The following CTNND2 variants were observed in gnomAD, a reference collection of about 807,000 sequenced individuals.
CTNND2 encodes the protein catenin delta 2.
Under a neutral mutation model 144.4 loss-of-function variants are expected in CTNND2, and 22 were observed. That is an observed-to-expected ratio of 0.15 (90% CI 0.11 to 0.22). CTNND2 has a LOEUF of 0.22. Among genes scored for constraint, CTNND2 ranks in the 10% least tolerant of loss-of-function variants. The pLI, the probability that CTNND2 is intolerant of heterozygous loss-of-function variation, is 1.00. For missense variants in CTNND2, 1,353 were observed against 1,618.8 expected (o/e 0.84, Z 2.82); for synonymous variants, 751 against 695.6 (o/e 1.08, Z -1.25).
intron 9 of CTNND2, among the ~76,000 whole-genome samples, chr5:11,305,344 C>T (rs572910581): frequency 1.6e-4 from 25 of 152,274 alleles, no homozygotes; most frequent in South Asian, 8.3e-4. Context: ...CTAACTGCTG[C>T]GCTCTGCCCT....
intron 9 of CTNND2, among the ~76,000 whole-genome samples, chr5:11,307,433 C>T (rs1269865414): frequency 6.6e-6 from 1 of 152,028 alleles, no homozygotes; most frequent in African/African-American, 2.4e-5. Flanking sequence ...CAGCAGGAGA[C>T]AGCAAGGCAA....
intron 9 of CTNND2, among the ~76,000 whole-genome samples, chr5:11,298,489 A>G (rs1487374113): frequency 1.3e-5 from 2 of 152,208 alleles, no homozygotes; most frequent in Non-Finnish European, 2.9e-5. Flanking sequence ...TTTTATAACA[A>G]TGCTAAAGCT....
intron 16 of CTNND2, among the ~76,000 whole-genome samples, chr5:11,081,656 G>C (rs1170275171): frequency 2.6e-5 from 4 of 152,176 alleles, no homozygotes; most frequent in Non-Finnish European, 5.9e-5. Context: ...TGTGTCCCAT[G>C]AATGTCTATG....
chr5:11,183,412 G>A (rs1436681110), intron 11 of CTNND2, among the ~76,000 whole-genome samples: 1 of 152,216 alleles, frequency 6.6e-6, no homozygotes, highest in Non-Finnish European at 1.5e-5. Context: ...GATTGGCTGT[G>A]CATAAGTGAT....
At chr5:11,658,058 T>C (rs1198223250) in intron 2 of CTNND2, among the ~76,000 whole-genome samples, 1 of 152,132 alleles carries the variant, frequency 6.6e-6, no homozygotes, top group Non-Finnish European at 1.5e-5. Context: ...AAATTTTTAT[T>C]TTTCAAAAAT....
At chr5:11,890,388 A>G (rs568679682) in intron 1 of CTNND2, among the ~76,000 whole-genome samples, 2 of 152,312 alleles carry the variant, frequency 1.3e-5, no homozygotes, top group South Asian at 4.1e-4. Flanking sequence ...ATGGCAGCTG[A>G]CCAGAGAGGC....
intron 16 of CTNND2, among the ~76,000 whole-genome samples, chr5:11,028,517 T>C (rs1561194793): frequency 6.6e-6 from 1 of 152,150 alleles, no homozygotes. Flanking sequence ...TTAAAAGCAT[T>C]TAAACAACTC....
chr5:11,819,430 AAGACAGAC>A (rs57457496), intron 1 of CTNND2, among the ~76,000 whole-genome samples: 50 of 151,788 alleles, frequency 3.3e-4, no homozygotes, highest in African/African-American at 8.9e-4. Flanking sequence ...GCAAGATTCC[AAGACAGAC>A]AGACAGACAG....
At chr5:11,559,323 A>T (rs1430706786) in intron 3 of CTNND2, among the ~76,000 whole-genome samples, 1 of 152,122 alleles carries the variant, frequency 6.6e-6, no homozygotes, top group African/African-American at 2.4e-5. Context: ...CCATTGAGAC[A>T]TCTAAAGAAA....
At chr5:11,575,739 T>A (rs1053273575) in intron 2 of CTNND2, among the ~76,000 whole-genome samples, 8 of 152,118 alleles carry the variant, frequency 5.3e-5, no homozygotes, top group Non-Finnish European at 1.2e-4. Context: ...CCGCACAAAC[T>A]CTTCTGATGG....
intron 1 of CTNND2, among the ~76,000 whole-genome samples, chr5:11,891,811 T>A (rs548278051): frequency 2.0e-5 from 3 of 152,248 alleles, no homozygotes; most frequent in Admixed American, 6.5e-5. Context: ...TTGGAAAAAA[T>A]TTGGTGGAAT....
chr5:11,805,761 G>T (rs902792485), intron 1 of CTNND2, among the ~76,000 whole-genome samples: 1 of 152,054 alleles, frequency 6.6e-6, no homozygotes, highest in Non-Finnish European at 1.5e-5. Flanking sequence ...AACTCACATA[G>T]AACATAGATC....
At chr5:11,797,371 T>TG (rs1791458932) in intron 1 of CTNND2, among the ~76,000 whole-genome samples, 1 of 152,142 alleles carries the variant, frequency 6.6e-6, no homozygotes, top group Admixed American at 6.5e-5. Flanking sequence ...ACTTCCAAAA[T>TG]GGGGCAAGGA....
intron 19 of CTNND2, among the ~76,000 whole-genome samples, chr5:10,989,205 T>C (rs895074370): frequency 1.3e-5 from 2 of 152,194 alleles, no homozygotes; most frequent in African/African-American, 4.8e-5. Flanking sequence ...GCAGGAGCCA[T>C]GCGTCTGGGT....
intron 1 of CTNND2, among the ~76,000 whole-genome samples, chr5:11,843,118 T>A (rs1398525570): frequency 6.6e-6 from 1 of 152,194 alleles, no homozygotes; most frequent in Non-Finnish European, 1.5e-5. Context: ...GACAGATCCA[T>A]CATTGAATAG....
rs141453973 is a variant in CTNND2, at chr5:11,856,092, A to G, written c.37+47725T>C. Among the ~76,000 whole-genome samples, 12 of 152,370 alleles carry G rather than the reference A, an allele frequency of 7.9e-5. No individual in the cohort carries two copies. In the East Asian group the frequency reaches 2.3e-3, roughly 29 times the overall value. ...AATATCTATTCAGCATTAATTATCT[A>G]TAAGCCACCATGCCATAAACTGGGA... On this transcript the variant is annotated intron_variant, in intron 1 of 21. Coordinates refer to ENST00000304623, the MANE Select transcript of CTNND2 (RefSeq NM_001332.4).
At chr5:11,543,272 T>C (rs530334033) in intron 3 of CTNND2, among the ~76,000 whole-genome samples, 18 of 152,294 alleles carry the variant, frequency 1.2e-4, no homozygotes, top group Non-Finnish European at 2.4e-4. Context: ...ATCAGAAAGG[T>C]TATGGCAGTG....
intron 2 of CTNND2, among the ~76,000 whole-genome samples, chr5:11,580,917 A>G (rs1158733794): frequency 6.6e-6 from 1 of 152,182 alleles, no homozygotes; most frequent in African/African-American, 2.4e-5. Context: ...CATTGTTTTT[A>G]GAAGCCCCCT....
intron 9 of CTNND2, among the ~76,000 whole-genome samples, chr5:11,248,824 T>TG (rs1180326874): frequency 6.6e-6 from 1 of 152,260 alleles, no homozygotes; most frequent in Non-Finnish European, 1.5e-5. Flanking sequence ...ACTTTGGGGC[T>TG]GACGGTTTAC....
Sources: gnomAD v4.1 joint callset for allele counts (sites outside exome capture counted in the v4.1 genomes callset) on GRCh38, gnomAD v4.1.1 for gene constraint, MANE v1.5 for transcripts, NCBI Gene and HGNC (gene_info 2026-07-23, HGNC 2026-07-21) for gene names.